Variants in GABRG3 observed in about 807,000 individuals in gnomAD.
GABRG3 encodes gamma-aminobutyric acid receptor subunit gamma-3.
Under a neutral mutation model 48.8 loss-of-function variants are expected in GABRG3, and 25 were observed. The ratio of observed to expected loss-of-function variants is 0.51; its 90% confidence interval spans 0.37 to 0.72. GABRG3 has a LOEUF of 0.72. Ranked by LOEUF, GABRG3 falls within the 30% of genes least tolerant of loss-of-function variation. The pLI is 0.00. For missense variants in GABRG3, 394 were observed against 577.9 expected, an observed-to-expected ratio of 0.68 and a Z score of 3.26; for synonymous variants, 227 against 217.6, an observed-to-expected ratio of 1.04 and a Z score of -0.38.
chr15:27,288,411 G>A (rs1245308078), intron 3 of GABRG3, among the ~76,000 whole-genome samples: 1 of 151,912 alleles, frequency 6.6e-6, no homozygotes, highest in Non-Finnish European at 1.5e-5. Context: ...CAACTAGATG[G>A]TCCCATCTGG....
intron 5 of GABRG3, among the ~76,000 whole-genome samples, chr15:27,403,955 C>T (rs1887556201): frequency 6.8e-6 from 1 of 147,894 alleles, no homozygotes; most frequent in Non-Finnish European, 1.5e-5. Flanking sequence ...GGCTTGGTAG[C>T]TCACGCCTGT....
chr15:27,181,384 G>A (rs936602089), intron 3 of GABRG3, among the ~76,000 whole-genome samples: 1 of 152,164 alleles, frequency 6.6e-6, no homozygotes, highest in East Asian at 1.9e-4. Context: ...TTGTTTTGGG[G>A]GAAGATTTGT....
chr15:27,405,400 T>C lies in GABRG3; in HGVS notation c.575-75250T>C, dbSNP rs75045573. Among the ~76,000 whole-genome samples the C allele has an allele frequency of 8.0e-4, 122 of 152,312 alleles. 2 individuals are homozygous for C. In the East Asian group the frequency reaches 0.021, roughly 26 times the overall value. On this transcript the variant is annotated intron_variant, in intron 5 of 9. Transcript: ENST00000615808. ...GAGATGACATGTCATGCATGTTAGA[T>C]TGGAAACATTTTGAAGATCCCAGTA...
At chr15:27,059,264 G>A (rs1395382981) in intron 3 of GABRG3, among the ~76,000 whole-genome samples, 1 of 152,202 alleles carries the variant, frequency 6.6e-6, no homozygotes, top group African/African-American at 2.4e-5. Flanking sequence ...CCTTTGGGGA[G>A]AGCTGAGTCT....
chr15:27,283,728 C>A (rs1024823088), intron 3 of GABRG3, among the ~76,000 whole-genome samples: 2 of 152,168 alleles, frequency 1.3e-5, no homozygotes, highest in African/African-American at 4.8e-5. Flanking sequence ...GCTTCCCCAG[C>A]ACTCTGAGGC....
At chr15:27,307,122 T>G (rs922939626) in intron 3 of GABRG3, among the ~76,000 whole-genome samples, 8 of 124,232 alleles carry the variant, frequency 6.4e-5, no homozygotes, top group Non-Finnish European at 1.1e-4. Flanking sequence ...TATATAAACA[T>G]AATATAAACA....
chr15:27,253,084 A>G (rs1890510671), intron 3 of GABRG3, among the ~76,000 whole-genome samples: 1 of 152,212 alleles, frequency 6.6e-6, no homozygotes, highest in Admixed American at 6.5e-5. Context: ...TGGCAGGCTC[A>G]CAGAACGAAC....
rs550545208 is a variant in GABRG3, at chr15:26,991,523, A to G, written c.202+14373A>G. On this transcript the variant is annotated intron_variant, in intron 2 of 9. Coordinates refer to ENST00000615808, the MANE Select transcript of GABRG3 (RefSeq NM_033223.5). The stretch of plus-strand genomic sequence containing the variant: ...TTATAGATTGCTTTGGGTAGTATAG[A>G]CATTTTAACAATATTTATTCTTCCA... Among the ~76,000 whole-genome samples, 12 of 152,248 alleles carry G rather than the reference A, an allele frequency of 7.9e-5. No homozygotes were observed. In the East Asian group the frequency reaches 2.1e-3, roughly 27 times the overall value.
chr15:27,306,289 CTA>C (rs898202177), intron 3 of GABRG3, among the ~76,000 whole-genome samples: 2 of 135,980 alleles, frequency 1.5e-5, no homozygotes, highest in South Asian at 2.3e-4. Flanking sequence ...ATAAACATGT[CTA>C]TATATAAACA....
In GABRG3 at chr15:27,136,591, G is replaced by C. The variant is rs73371684; in HGVS notation, c.270+109770G>C. 8.8e-3 allele frequency among the ~76,000 whole-genome samples: 1,339 copies of C among 152,234 alleles called. 28 individuals carry two copies. Among genetic ancestry groups the C allele is most frequent in the African/African-American group, 0.031 (1,277 of 41,544 alleles). On this transcript the variant is annotated intron_variant, in intron 3 of 9. Coordinates refer to ENST00000615808, the MANE Select transcript of GABRG3 (RefSeq NM_033223.5). ...GACAGAGACCATTTCTCCAGTGGAT[G>C]ATCTCCCGTAATGTGATCATAGGGC...
chr15:27,126,192 A>T (rs1897817907), intron 3 of GABRG3, among the ~76,000 whole-genome samples: 2 of 152,164 alleles, frequency 1.3e-5, no homozygotes, highest in African/African-American at 4.8e-5. Context: ...CACTTTCTTT[A>T]CTAAACACTT....
At chr15:27,416,875 T>C (rs1257320770) in intron 5 of GABRG3, among the ~76,000 whole-genome samples, 3 of 152,204 alleles carry the variant, frequency 2.0e-5, no homozygotes, top group Non-Finnish European at 4.4e-5. Context: ...TTTTTACCTG[T>C]TTTTCACAAT....
rs1894915113 is a variant in GABRG3, at chr15:26,975,088, G to A, written c.54-1914G>A. 6.6e-6 allele frequency among the ~76,000 whole-genome samples: 1 copy of A among 151,918 alleles called. No individual in the cohort carries two copies. Among genetic ancestry groups the A allele is most frequent in the Admixed American group, 6.6e-5 (1 of 15,264 alleles). On this transcript the variant is annotated intron_variant, in intron 1 of 9. Coordinates refer to ENST00000615808, the MANE Select transcript of GABRG3 (RefSeq NM_033223.5). This position sits in a 1 kb window ranked among gnomAD's most constrained non-coding sequence, Gnocchi z 4.6. ...GACGGGGTTTCACCCTGTTGGCCAGGCTGGTCTGGAACTCCTGACCTCAGA... is the reference window on the plus strand; with the variant it reads ...GACGGGGTTTCACCCTGTTGGCCAGACTGGTCTGGAACTCCTGACCTCAGA...
At chr15:27,061,111 G>A (rs1896636129) in intron 3 of GABRG3, among the ~76,000 whole-genome samples, 1 of 152,228 alleles carries the variant, frequency 6.6e-6, no homozygotes, top group Non-Finnish European at 1.5e-5. Flanking sequence ...GCTTACCTGT[G>A]TTTAATATTT....
chr15:27,277,547 T>C (rs1226209611), intron 3 of GABRG3, among the ~76,000 whole-genome samples: 2 of 152,146 alleles, frequency 1.3e-5, no homozygotes, highest in African/African-American at 4.8e-5. Context: ...AGTATAAAAA[T>C]ATTCCCAGAC....
chr15:27,143,135 G>A (rs146033775), intron 3 of GABRG3, among the ~76,000 whole-genome samples: 484 of 152,288 alleles, frequency 3.2e-3, no homozygotes, highest in Middle Eastern at 6.8e-3. Context: ...CTGAAGTGCA[G>A]TAGCATAATC....
rs1894364843 is a variant in GABRG3 at position 27,346,114 on chromosome 15, GA to G, written c.574+17229del. ...AGAAAGAAAGGAAAGAAAGAGAAAGGAAAGAAAGAGAAAGAAAGAAAGAAAA... is the reference window on the plus strand; with the variant it reads ...AGAAAGAAAGGAAAGAAAGAGAAAGGAAGAAAGAGAAAGAAAGAAAGAAAA... On this transcript the variant is annotated intron_variant, in intron 5 of 9. Transcript: ENST00000615808. 1.9e-4 allele frequency among the ~76,000 whole-genome samples: 12 copies of G among 64,324 alleles called. No individual in the cohort carries two copies. The South Asian group carries it at 6.8e-3, about 37-fold the overall frequency. 42.2% of individuals were successfully genotyped at this position (64,324 alleles called of 152,430 possible).
intron 5 of GABRG3, among the ~76,000 whole-genome samples, chr15:27,423,241 A>AT (rs1491255897): frequency 5.3e-5 from 6 of 113,530 alleles, no homozygotes; most frequent in South Asian, 5.6e-4. Context: ...AGTCATTATG[A>AT]TAAAAAAAAA....
chr15:27,500,572 A>G (rs1217597749), intron 6 of GABRG3, among the ~76,000 whole-genome samples: 1 of 152,238 alleles, frequency 6.6e-6, no homozygotes, highest in African/African-American at 2.4e-5. Context: ...AACGTGCTAA[A>G]TAAAGCAGGC....
Sources: allele counts gnomAD v4.1 joint callset (sites outside exome capture counted in the v4.1 genomes callset), GRCh38; gene constraint gnomAD v4.1.1; non-coding constraint Gnocchi (gnomAD v3.1); transcripts MANE v1.5; gene names NCBI Gene and HGNC (gene_info 2026-07-23, HGNC 2026-07-21).